The following SPAG16 variants were observed in gnomAD, a reference collection of about 807,000 sequenced individuals.
The protein encoded by SPAG16 is sperm associated antigen 16, also known as sperm-associated antigen 16 protein.
In SPAG16, 86 loss-of-function variants were observed where a neutral mutation model predicts 80.4. That is an observed-to-expected ratio of 1.07 (90% CI 0.90 to 1.28). The LOEUF is 1.28. SPAG16 is among the 50% of genes most tolerant of loss of function. The pLI is 0.00. For synonymous variants in SPAG16, 294 were observed against 265.9 expected, an observed-to-expected ratio of 1.11 and a Z score of -1.03; for missense variants, 870 against 765.3, an observed-to-expected ratio of 1.14 and a Z score of -1.61.
chr2:214,014,946 A>G (rs551909026), intron 13 of SPAG16, among the ~76,000 whole-genome samples: 1 of 152,192 alleles, frequency 6.6e-6, no homozygotes, highest in Admixed American at 6.5e-5. Context: ...AGCCAGAAAT[A>G]GATACTTCGA....
intron 10 of SPAG16, among the ~76,000 whole-genome samples, chr2:213,782,719 T>C (rs1292234145): frequency 6.6e-6 from 1 of 152,208 alleles, no homozygotes; most frequent in East Asian, 1.9e-4. Flanking sequence ...CTGATAAAAG[T>C]ATGAGAGGGA....
At chr2:214,366,397 T>C (rs1699483969) in intron 15 of SPAG16, among the ~76,000 whole-genome samples, 1 of 152,222 alleles carries the variant, frequency 6.6e-6, no homozygotes, top group South Asian at 2.1e-4. Context: ...AGGAGAGTTT[T>C]GGTACGACCT....
At chr2:214,267,683 T>C (rs757166641) in intron 15 of SPAG16, among the ~76,000 whole-genome samples, 1 of 151,770 alleles carries the variant, frequency 6.6e-6, no homozygotes, top group Admixed American at 6.6e-5. Flanking sequence ...ACAAATAAAT[T>C]CTTTTGTGGA....
At chr2:214,328,863 G>T (rs1031749246) in intron 15 of SPAG16, among the ~76,000 whole-genome samples, 2 of 152,054 alleles carry the variant, frequency 1.3e-5, no homozygotes, top group Admixed American at 1.3e-4. Context: ...TACTTATTAG[G>T]TTCTAGGCAC....
intron 11 of SPAG16, among the ~76,000 whole-genome samples, chr2:213,886,253 T>G (rs1369931792): frequency 3.9e-5 from 6 of 152,064 alleles, no homozygotes; most frequent in African/African-American, 1.4e-4. Flanking sequence ...TAGAGTAATA[T>G]TTTTAGGTTT....
At chr2:213,613,848 A>C (rs1044068186) in intron 10 of SPAG16, among the ~76,000 whole-genome samples, 1 of 152,220 alleles carries the variant, frequency 6.6e-6, no homozygotes, top group Non-Finnish European at 1.5e-5. Context: ...AGGAATAAAA[A>C]ATTTGGAAGT....
At chr2:214,324,913 CAT>C (rs1292428186) in intron 15 of SPAG16, among the ~76,000 whole-genome samples, 1 of 152,200 alleles carries the variant, frequency 6.6e-6, no homozygotes, top group African/African-American at 2.4e-5. Flanking sequence ...TCATTTGTGA[CAT>C]ACAGTTGCAC....
At chr2:214,127,194 A>G (rs145105892) in intron 14 of SPAG16, among the ~76,000 whole-genome samples, 66 of 151,882 alleles carry the variant, frequency 4.3e-4, no homozygotes, top group South Asian at 3.9e-3. Flanking sequence ...TGGAGAATAT[A>G]AAAGGACTGA....
chr2:213,470,237 C>A (rs1025717913), intron 9 of SPAG16, among the ~76,000 whole-genome samples: 30 of 152,184 alleles, frequency 2.0e-4, no homozygotes, highest in African/African-American at 7.2e-4. Flanking sequence ...ATCAGTCCAG[C>A]TGCTTCAGGA....
intron 13 of SPAG16, among the ~76,000 whole-genome samples, chr2:214,027,848 G>T (rs895050990): frequency 6.6e-6 from 1 of 151,780 alleles, no homozygotes; most frequent in Non-Finnish European, 1.5e-5. Context: ...TGGTTTATTT[G>T]TTTTGACATT....
intron 11 of SPAG16, among the ~76,000 whole-genome samples, chr2:213,873,316 T>C (rs2105994954): frequency 6.6e-6 from 1 of 152,120 alleles, no homozygotes; most frequent in African/African-American, 2.4e-5. Flanking sequence ...CAATTTCCCT[T>C]ATAAATCCTT....
intron 12 of SPAG16, among the ~76,000 whole-genome samples, chr2:213,986,333 C>A (rs1254091909): frequency 6.6e-6 from 1 of 151,906 alleles, no homozygotes; most frequent in South Asian, 2.1e-4. Flanking sequence ...CCGTTTATTT[C>A]AGTTTTTTTC....
rs190475905 is a variant in SPAG16 at position 213,401,455 on chromosome 2, T to C, written c.942+26336T>C. Among the ~76,000 whole-genome samples, 3 of 152,362 alleles carry C rather than the reference T, an allele frequency of 2.0e-5. No homozygotes were observed. The East Asian group carries it at 5.8e-4, about 29-fold the overall frequency. On this transcript the variant is annotated intron_variant, in intron 9 of 15. Coordinates refer to ENST00000331683, the MANE Select transcript of SPAG16 (RefSeq NM_024532.5). ...TTCATATCTTATTGTTTCTTTGGTA[T>C]AAAACTCAAGAACTGGTGATCTTGG...
At chr2:214,061,511 T>G (rs1328424794) in intron 13 of SPAG16, among the ~76,000 whole-genome samples, 1 of 152,162 alleles carries the variant, frequency 6.6e-6, no homozygotes, top group Non-Finnish European at 1.5e-5. Flanking sequence ...AGGGTTGATA[T>G]TGCAGTTCAA....
intron 10 of SPAG16, among the ~76,000 whole-genome samples, chr2:213,604,572 A>AT (rs2061187823): frequency 3.9e-5 from 6 of 152,094 alleles, no homozygotes; most frequent in Non-Finnish European, 1.5e-5. Context: ...ACATTAGTCC[A>AT]TTTTTGTTAA....
intron 10 of SPAG16, among the ~76,000 whole-genome samples, chr2:213,682,184 C>A (rs2064425270): frequency 6.6e-6 from 1 of 152,174 alleles, no homozygotes; most frequent in Non-Finnish European, 1.5e-5. Flanking sequence ...TATTTCCTGA[C>A]AAAAGGAGGC....
At chr2:214,300,263 T>TA (rs1694451994) in intron 15 of SPAG16, among the ~76,000 whole-genome samples, 1 of 152,158 alleles carries the variant, frequency 6.6e-6, no homozygotes, top group South Asian at 2.1e-4. Context: ...TGTTAAAAGC[T>TA]ATAAATATCT....
At chr2:213,988,759 T>C (rs188228295) in intron 12 of SPAG16, among the ~76,000 whole-genome samples, 154 of 151,980 alleles carry the variant, frequency 1.0e-3, no homozygotes, top group African/African-American at 3.6e-3. Flanking sequence ...AGGATCTGTA[T>C]GTTGAAAACT....
At chr2:213,593,757 T>TG in intron 10 of SPAG16, among the ~76,000 whole-genome samples, 1 of 68,368 alleles carries the variant, frequency 1.5e-5, no homozygotes, top group Non-Finnish European at 2.6e-5. Flanking sequence ...TTTTTTTTTT[T>TG]TTTTTTTTTT....
Sources: gnomAD v4.1 joint callset for allele counts (sites outside exome capture counted in the v4.1 genomes callset) on GRCh38, gnomAD v4.1.1 for gene constraint, MANE v1.5 for transcripts, NCBI Gene and HGNC (gene_info 2026-07-23, HGNC 2026-07-21) for gene names.